Variants in DLG2 observed in about 807,000 individuals in gnomAD.
The protein encoded by DLG2 is discs large MAGUK scaffold protein 2.
Under a neutral mutation model 132.5 loss-of-function variants are expected in DLG2, and 45 were observed. The ratio of observed to expected loss-of-function variants is 0.34; its 90% CI spans 0.27 to 0.44. The LOEUF (loss-of-function observed/expected upper bound fraction) is 0.44. Ranked by LOEUF, DLG2 falls within the 20% of genes least tolerant of loss-of-function variation. The pLI, the probability that DLG2 is intolerant of heterozygous loss-of-function variation, is 1.00. For synonymous variants in DLG2, 424 were observed against 419.6 expected (o/e 1.01, Z -0.13); for missense variants, 1,045 against 1,196.9 (o/e 0.87, Z 1.87).
chr11:84,411,074 G>A (rs559563269), intron 7 of DLG2, among the ~76,000 whole-genome samples: 1 of 152,282 alleles, frequency 6.6e-6, no homozygotes, highest in South Asian at 2.1e-4. Context: ...GAGCTATGCA[G>A]TGAAAAGGCA....
At chr11:84,916,273 C>T (rs1271917886) in intron 6 of DLG2, among the ~76,000 whole-genome samples, 8 of 129,440 alleles carry the variant, frequency 6.2e-5, no homozygotes, top group Admixed American at 1.8e-4. Flanking sequence ...GGCGTGAACC[C>T]GGGAGGCGGA....
At chr11:83,979,476 G>A (rs182817119) in intron 12 of DLG2, among the ~76,000 whole-genome samples, 1 of 152,220 alleles carries the variant, frequency 6.6e-6, no homozygotes, top group East Asian at 1.9e-4. Context: ...GTAGATTTTG[G>A]CATACAACAG....
At chr11:83,718,169 T>C (rs1438897035) in intron 18 of DLG2, among the ~76,000 whole-genome samples, 1 of 152,146 alleles carries the variant, frequency 6.6e-6, no homozygotes, top group African/African-American at 2.4e-5. Flanking sequence ...AGGGAGCACC[T>C]CTCTGCTGTG....
chr11:84,627,854 A>C (rs1488452135), intron 6 of DLG2, among the ~76,000 whole-genome samples: 1 of 152,054 alleles, frequency 6.6e-6, no homozygotes, highest in Non-Finnish European at 1.5e-5. Context: ...ACAGACTCAA[A>C]CAACCAGATC....
In DLG2 at chr11:84,366,352, C is replaced by A. The variant is rs536295175; in HGVS notation, c.520-115061G>T. Among the ~76,000 whole-genome samples, 974 of 151,956 alleles carry A rather than the reference C, an allele frequency of 6.4e-3. 10 individuals are homozygous for A. Among genetic ancestry groups the A allele is most frequent in the African/African-American group, 0.022 (895 of 41,394 alleles). On this transcript the variant is annotated intron_variant, in intron 7 of 27. Transcript: ENST00000376104. ...AAGGAACAACTGGTACCAGCCGCTG[C>A]AAAATCATGCCAAAATGTAAAGACC...
intron 3 of DLG2, among the ~76,000 whole-genome samples, chr11:85,571,171 G>T (rs974083168): frequency 1.4e-4 from 22 of 151,814 alleles, no homozygotes; most frequent in African/African-American, 4.1e-4. Context: ...TTGTTTCTTT[G>T]CATGTCTTAT....
At chr11:85,000,362 A>G (rs1251958459) in intron 6 of DLG2, among the ~76,000 whole-genome samples, 1 of 152,188 alleles carries the variant, frequency 6.6e-6, no homozygotes, top group Non-Finnish European at 1.5e-5. Context: ...CTCCAAAAAC[A>G]TATTTGCCGA....
intron 6 of DLG2, among the ~76,000 whole-genome samples, chr11:84,653,800 C>T (rs966514052): frequency 2.6e-5 from 4 of 152,150 alleles, no homozygotes; most frequent in Non-Finnish European, 4.4e-5. Context: ...TCTCTTGGCT[C>T]TTTCATGCAA....
rs1231061093 is a variant in DLG2 at position 84,531,993 on chromosome 11, G to A, written c.519+2577C>T. On this transcript the variant is annotated intron_variant, in intron 7 of 27. Coordinates refer to ENST00000376104, the MANE Select transcript of DLG2 (RefSeq NM_001142699.3). ...ATACATTTTCCAAATGAGACAGTGA[G>A]TAGCATAATAAATGATGGTGCAATC... 2.0e-5 allele frequency among the ~76,000 whole-genome samples: 3 copies of A among 152,114 alleles called. No homozygotes were observed. In the East Asian group the frequency reaches 5.8e-4, roughly 29 times the overall value.
intron 16 of DLG2, among the ~76,000 whole-genome samples, chr11:83,873,040 C>T (rs766096004): frequency 5.3e-5 from 8 of 152,216 alleles, no homozygotes; most frequent in South Asian, 2.1e-4. Flanking sequence ...AAATTCTGCA[C>T]GATGTCTAAC....
chr11:84,013,450 A>G (rs755875282), intron 11 of DLG2, among the ~76,000 whole-genome samples: 24 of 152,156 alleles, frequency 1.6e-4, no homozygotes, highest in Admixed American at 5.2e-4. Context: ...TATTTATGAA[A>G]TATGTTTAAA....
chr11:84,769,842 C>A (rs186858770), intron 6 of DLG2, among the ~76,000 whole-genome samples: 47 of 152,252 alleles, frequency 3.1e-4, no homozygotes, highest in African/African-American at 1.1e-3. Flanking sequence ...AAAATAAATT[C>A]CAACCAAGAA....
intron 16 of DLG2, among the ~76,000 whole-genome samples, chr11:83,854,252 C>A (rs1287767886): frequency 6.6e-6 from 1 of 152,048 alleles, no homozygotes; most frequent in Non-Finnish European, 1.5e-5. Context: ...GAGAGATAGT[C>A]CATGTAAATG....
At chr11:84,168,852 A>ACACAAAC (rs1566792684) in intron 8 of DLG2, among the ~76,000 whole-genome samples, 1 of 72,478 alleles carries the variant, frequency 1.4e-5, no homozygotes, top group Non-Finnish European at 3.5e-5. Flanking sequence ...CACACACACA[A>ACACAAAC]ACACACACAC....
At chr11:85,177,274 T>C (rs2079341068) in intron 4 of DLG2, among the ~76,000 whole-genome samples, 2 of 138,224 alleles carry the variant, frequency 1.4e-5, no homozygotes, top group Admixed American at 1.5e-4. Flanking sequence ...TATATATATA[T>C]ATATATACAT....
chr11:84,806,869 A>G (rs1036694592), intron 6 of DLG2, among the ~76,000 whole-genome samples: 2 of 152,300 alleles, frequency 1.3e-5, no homozygotes, highest in Non-Finnish European at 2.9e-5. Flanking sequence ...TGTAGATGAA[A>G]TATTTTTTAA....
intron 6 of DLG2, among the ~76,000 whole-genome samples, chr11:85,022,687 T>G (rs186802393): frequency 6.6e-6 from 1 of 152,124 alleles, no homozygotes; most frequent in Non-Finnish European, 1.5e-5. Flanking sequence ...TCATCTTTGT[T>G]GTAATTCTCT....
At chr11:85,362,148 G>A (rs540703084) in intron 3 of DLG2, among the ~76,000 whole-genome samples, 1 of 152,252 alleles carries the variant, frequency 6.6e-6, no homozygotes, top group Non-Finnish European at 1.5e-5. Flanking sequence ...TAGAGAGGGA[G>A]TCTCACTATG....
intron 4 of DLG2, among the ~76,000 whole-genome samples, chr11:85,274,659 G>T (rs1458277793): frequency 6.6e-6 from 1 of 152,018 alleles, no homozygotes; most frequent in Non-Finnish European, 1.5e-5. Context: ...TCTACCCCAA[G>T]TCTACCCCAA....
Sources: allele counts gnomAD v4.1 joint callset (sites outside exome capture counted in the v4.1 genomes callset), GRCh38; gene constraint gnomAD v4.1.1; transcripts MANE v1.5; gene names NCBI Gene and HGNC (gene_info 2026-07-23, HGNC 2026-07-21).